Variants in C2orf76 observed in about 807,000 individuals in gnomAD.
The protein encoded by C2orf76 is UPF0538 protein C2orf76.
In C2orf76, 23 loss-of-function variants were observed where a neutral mutation model predicts 16.9. That is an observed-to-expected ratio of 1.36 (90% CI 0.98 to 1.93). C2orf76 has a LOEUF of 1.93. Ranked by LOEUF, C2orf76 falls within the 30% of genes most tolerant of loss-of-function variation. The pLI is 0.00. For synonymous variants in C2orf76, 48 were observed against 52.3 expected (o/e 0.92, Z 0.35); for missense variants, 152 against 152.6 (o/e 1.00, Z 0.02).
At chr2:119,297,127 T>A in the C2orf76 span, among the ~76,000 whole-genome samples, 1 of 152,140 alleles carries the variant, frequency 6.6e-6, no homozygotes, top group African/African-American at 2.4e-5. Context: ...TGTCCGTAAG[T>A]GCCTTGTAGG....
At chr2:119,283,265 C>T in the C2orf76 span, among the ~76,000 whole-genome samples, 31 of 152,240 alleles carry the variant, frequency 2.0e-4, no homozygotes, top group African/African-American at 7.5e-4. Context: ...CCCTGCCTCC[C>T]ATTCTTTGTC....
chr2:119,302,896 A>AT (rs942440221), intron 5 of C2orf76, among the ~76,000 whole-genome samples: 3 of 152,056 alleles, frequency 2.0e-5, no homozygotes, highest in African/African-American at 4.8e-5. Context: ...AAAAACCTTG[A>AT]TTTTTTTCTC....
chr2:119,346,321 C>T (rs1449476350), intron 1 of C2orf76, among the ~76,000 whole-genome samples: 1 of 152,154 alleles, frequency 6.6e-6, no homozygotes, highest in Non-Finnish European at 1.5e-5. Flanking sequence ...TATGTTAACA[C>T]AAAAACCTGT....
chr2:119,339,364 G>A (rs1406485208), intron 2 of C2orf76, among the ~76,000 whole-genome samples: 3 of 151,968 alleles, frequency 2.0e-5, no homozygotes, highest in Non-Finnish European at 2.9e-5. Flanking sequence ...AACTAGCACC[G>A]CCGTTTCTGT....
chr2:119,301,918 TAAAAAAA>T (rs34452099), downstream of C2orf76, among the ~76,000 whole-genome samples: 1 of 138,896 alleles, frequency 7.2e-6, no homozygotes, highest in South Asian at 2.3e-4. Flanking sequence ...TGCAATACTT[TAAAAAAA>T]AAAAAAAAGT....
chr2:119,328,428 C>A (rs1461026199), intron 2 of C2orf76, among the ~76,000 whole-genome samples: 1 of 151,916 alleles, frequency 6.6e-6, no homozygotes, highest in Non-Finnish European at 1.5e-5. Context: ...CTTTATTATT[C>A]TTTTAATATC....
At chr2:119,314,014 G>GTTTTTTTTTTTTTTTT in intron 4 of C2orf76, among the ~76,000 whole-genome samples, 1 of 86,166 alleles carries the variant, frequency 1.2e-5, no homozygotes, top group Non-Finnish European at 2.1e-5. Flanking sequence ...TTTCTCAGTG[G>GTTTTTTTTTTTTTTTT]TTTTTTTTTT....
intron 4 of C2orf76, among the ~76,000 whole-genome samples, chr2:119,314,848 C>G (rs1013766826): frequency 6.6e-6 from 1 of 152,092 alleles, no homozygotes; most frequent in Non-Finnish European, 1.5e-5. Context: ...CTATTTAAGT[C>G]TTATTTTGGA....
chr2:119,357,466 C>T (rs1210897017), intron 1 of C2orf76, among the ~76,000 whole-genome samples: 1 of 151,942 alleles, frequency 6.6e-6, no homozygotes, highest in Non-Finnish European at 1.5e-5. Context: ...ATGATCACAT[C>T]AAGTGATACA....
In C2orf76 at chr2:119,321,194, TAAAGG is replaced by T; in HGVS notation, c.139_143del (p.Pro47LysfsTer12). The T allele has an allele frequency of 7.0e-7, 1 of 1,435,786 alleles. No individual in the cohort carries two copies. Among genetic ancestry groups the T allele is most frequent in the Non-Finnish European group, 9.5e-7 (1 of 1,052,970 alleles). 88.9% of individuals were successfully genotyped at this position (1,435,786 alleles called of 1,614,324 possible). A position where few individuals can be genotyped will look rare whatever the true frequency, so the allele number is the denominator to read the frequency against. On this transcript the variant is annotated frameshift_variant, in exon 3 of 6. Coordinates refer to ENST00000334816, the MANE Select transcript of C2orf76 (RefSeq NM_001322331.2). LOFTEE classifies it high-confidence loss of function. ...TGAATGGTGGTGGCAGGTTGGTCCT[TAAAGG>T]GATATCTACAAGAGAAAGATTATTT...
At chr2:119,312,319 CTCA>C (rs1239144215) in intron 4 of C2orf76, among the ~76,000 whole-genome samples, 1 of 152,170 alleles carries the variant, frequency 6.6e-6, no homozygotes. Flanking sequence ...GTGATTATGG[CTCA>C]CTACAACCTC....
chr2:119,351,446 G>T (rs933980633), intron 1 of C2orf76, among the ~76,000 whole-genome samples: 1 of 152,112 alleles, frequency 6.6e-6, no homozygotes, highest in Non-Finnish European at 1.5e-5. Context: ...TACAATATAA[G>T]AGCTGAAACA....
chr2:119,328,978 G>A (rs1018514690), intron 2 of C2orf76, among the ~76,000 whole-genome samples: 4 of 152,080 alleles, frequency 2.6e-5, no homozygotes, highest in African/African-American at 7.2e-5. Context: ...CTTTAAAATC[G>A]ATTAAGACTT....
upstream of C2orf76, chr2:119,366,950 T>C (rs1317318625): frequency 1.4e-6 from 2 of 1,473,078 alleles, no homozygotes; most frequent in Non-Finnish European, 1.9e-6. Flanking sequence ...TTGGGGCGAG[T>C]GGACCGCGCC....
the C2orf76 span, among the ~76,000 whole-genome samples, chr2:119,288,182 A>G: frequency 1.4e-5 from 2 of 143,012 alleles, no homozygotes; most frequent in Non-Finnish European, 3.0e-5. Context: ...TTTGAGACAG[A>G]GTCTCACTCT....
At chr2:119,295,347 C>A in the C2orf76 span, among the ~76,000 whole-genome samples, 1 of 152,102 alleles carries the variant, frequency 6.6e-6, no homozygotes, top group African/African-American at 2.4e-5. Flanking sequence ...ATGGCATAAG[C>A]CTCAAGGTCA....
chr2:119,287,839 A>C, the C2orf76 span, among the ~76,000 whole-genome samples: 1 of 152,154 alleles, frequency 6.6e-6, no homozygotes, highest in Admixed American at 6.5e-5. Context: ...CCAATTTCTT[A>C]TAATATTAGA....
intron 2 of C2orf76, among the ~76,000 whole-genome samples, chr2:119,324,146 T>G (rs1354116295): frequency 2.0e-5 from 3 of 152,216 alleles, no homozygotes; most frequent in Non-Finnish European, 4.4e-5. Flanking sequence ...AAGAAAGCCG[T>G]GAGGTGAAGA....
intron 1 of C2orf76, among the ~76,000 whole-genome samples, chr2:119,343,367 A>C (rs1319977665): frequency 6.6e-6 from 1 of 152,102 alleles, no homozygotes; most frequent in Non-Finnish European, 1.5e-5. Flanking sequence ...TGTATTTTAG[A>C]AGCAGTGTTG....
Sources: allele counts gnomAD v4.1 joint callset (sites outside exome capture counted in the v4.1 genomes callset), GRCh38; gene constraint gnomAD v4.1.1; transcripts MANE v1.5; gene names NCBI Gene and HGNC (gene_info 2026-07-23, HGNC 2026-07-21).